Variants in PLPPR5 observed in about 807,000 individuals in gnomAD.
PLPPR5 encodes phospholipid phosphatase related 5.
A neutral mutation model predicts 33.9 loss-of-function variants in PLPPR5; 16 were observed. That is an observed-to-expected ratio of 0.47 (90% CI 0.32 to 0.72). The LOEUF (loss-of-function observed/expected upper bound fraction) is 0.72, where lower values mean the gene tolerates loss of function less well. Ranked by LOEUF, PLPPR5 falls within the 30% of genes least tolerant of loss-of-function variation. PLPPR5 has a pLI of 0.03. For missense variants in PLPPR5, 301 were observed against 406.7 expected (o/e 0.74, Z 2.23); for synonymous variants, 163 against 150.3 (o/e 1.08, Z -0.62).
intron 3 of PLPPR5, among the ~76,000 whole-genome samples, chr1:98,947,498 G>A (rs913515864): frequency 6.6e-6 from 1 of 152,186 alleles, no homozygotes; most frequent in Non-Finnish European, 1.5e-5. Context: ...CTGTATGTGT[G>A]TAACTGCAAA....
intron 3 of PLPPR5, among the ~76,000 whole-genome samples, chr1:98,941,463 A>C (rs1650364943): frequency 6.6e-6 from 1 of 151,606 alleles, no homozygotes; most frequent in Non-Finnish European, 1.5e-5. Context: ...CCGGTTTATA[A>C]GGTGAGAAAG....
At chr1:98,930,228 T>A (rs1649915015) in intron 3 of PLPPR5, among the ~76,000 whole-genome samples, 1 of 152,206 alleles carries the variant, frequency 6.6e-6, no homozygotes, top group African/African-American at 2.4e-5. Context: ...AAGTTTACTG[T>A]CAGGGACAAG....
intron 1 of PLPPR5, among the ~76,000 whole-genome samples, chr1:98,984,109 G>A (rs1385597575): frequency 1.3e-5 from 2 of 151,960 alleles, no homozygotes; most frequent in African/African-American, 2.4e-5. Context: ...GCCACAACTT[G>A]ACTGGTGGGC....
At chr1:98,975,678 T>C (rs912006367) in intron 1 of PLPPR5, among the ~76,000 whole-genome samples, 6 of 151,834 alleles carry the variant, frequency 4.0e-5, no homozygotes, top group African/African-American at 1.5e-4. Flanking sequence ...GGAAAAAGGG[T>C]CGGCTGGGAC....
At chr1:98,912,236 T>A (rs759696163) in intron 5 of PLPPR5, among the ~76,000 whole-genome samples, 1 of 152,232 alleles carries the variant, frequency 6.6e-6, no homozygotes, top group Admixed American at 6.5e-5. Flanking sequence ...TGCAAATTTC[T>A]TAACCATTTG....
intron 1 of PLPPR5, among the ~76,000 whole-genome samples, chr1:98,964,404 A>G (rs965054070): frequency 1.3e-5 from 2 of 152,184 alleles, no homozygotes; most frequent in Non-Finnish European, 2.9e-5. Context: ...GGGAAGGATC[A>G]ACGGGCCTCC....
chr1:98,972,983 G>A (rs1651709547), intron 1 of PLPPR5, among the ~76,000 whole-genome samples: 2 of 152,082 alleles, frequency 1.3e-5, no homozygotes, highest in South Asian at 4.1e-4. Flanking sequence ...CAATCGTTGT[G>A]CAATCACGAG....
At chr1:98,997,664 T>C (rs527348284) in intron 1 of PLPPR5, among the ~76,000 whole-genome samples, 1 of 152,296 alleles carries the variant, frequency 6.6e-6, no homozygotes, top group Non-Finnish European at 1.5e-5. Context: ...GGAAAAAAAG[T>C]ATAAAAATCT....
chr1:98,937,445 C>CTCATAA (rs1003360908), intron 3 of PLPPR5, among the ~76,000 whole-genome samples: 1 of 152,140 alleles, frequency 6.6e-6, no homozygotes, highest in African/African-American at 2.4e-5. Context: ...ACACTATGAG[C>CTCATAA]TCATAAGATT....
chr1:99,001,671 G>GATAGATAGATAT (rs1247519605), intron 1 of PLPPR5, among the ~76,000 whole-genome samples: 2 of 102,192 alleles, frequency 2.0e-5, no homozygotes, highest in East Asian at 3.7e-4. Context: ...GAAAGTTAAA[G>GATAGATAGATAT]ATATATATAT....
At chr1:98,927,256 A>C (rs531755821) in intron 3 of PLPPR5, among the ~76,000 whole-genome samples, 1 of 152,348 alleles carries the variant, frequency 6.6e-6, no homozygotes, top group Admixed American at 6.5e-5. Flanking sequence ...ATAAATGCTT[A>C]GTTGTTCTCA....
chr1:98,923,686 C>T (rs1299461079), intron 3 of PLPPR5, among the ~76,000 whole-genome samples: 1 of 152,172 alleles, frequency 6.6e-6, no homozygotes, highest in East Asian at 1.9e-4. Context: ...TGAACTGTCT[C>T]CATCTTGGCC....
At chr1:98,916,713 A>G (rs1376812508) in intron 4 of PLPPR5, among the ~76,000 whole-genome samples, 1 of 152,230 alleles carries the variant, frequency 6.6e-6, no homozygotes, top group Admixed American at 6.5e-5. Flanking sequence ...GATATAATCA[A>G]GAATTTTGGC....
intron 3 of PLPPR5, among the ~76,000 whole-genome samples, chr1:98,949,268 C>CTT (rs35482227): frequency 1.6e-4 from 23 of 146,872 alleles, no homozygotes; most frequent in African/African-American, 4.0e-4. Flanking sequence ...AGGAATAGAG[C>CTT]TTTTTTTTTT....
intron 3 of PLPPR5, among the ~76,000 whole-genome samples, chr1:98,952,587 C>T (rs2101211562): frequency 6.6e-6 from 1 of 152,240 alleles, no homozygotes; most frequent in South Asian, 2.1e-4. Flanking sequence ...TTGGTTAGTT[C>T]TATGAGAAAA....
intron 1 of PLPPR5, among the ~76,000 whole-genome samples, chr1:98,967,125 T>G (rs1651477635): frequency 6.6e-6 from 1 of 152,176 alleles, no homozygotes; most frequent in Admixed American, 6.6e-5. Context: ...TATGTACTTG[T>G]ACTGTGCAAA....
At chr1:98,911,148 C>T (rs1557665880) in intron 5 of PLPPR5, among the ~76,000 whole-genome samples, 1 of 152,142 alleles carries the variant, frequency 6.6e-6, no homozygotes, top group South Asian at 2.1e-4. Context: ...ATCCCATGCT[C>T]TGTGTGAGTG....
At chr1:98,906,592 C>A (rs72728602) in intron 5 of PLPPR5, among the ~76,000 whole-genome samples, 28,700 of 151,966 alleles carry the variant, frequency 0.19, 2,911 homozygotes, top group Non-Finnish European at 0.21. Flanking sequence ...TTCACATGTT[C>A]TTGACCAAGT....
rs1247519605 is a variant in PLPPR5, at chr1:99,001,671, G to GATAGATATATATAT, written c.237+2763_237+2764insATATATATATCTAT. On this transcript the variant is annotated intron_variant, in intron 1 of 5. Coordinates refer to ENST00000263177, the MANE Select transcript of PLPPR5 (RefSeq NM_001037317.2). ...ACTAGAAATGAGTTTGAAAGTTAAAGATATATATATATATATATATATATA... is the reference window on the plus strand; with the variant it reads ...ACTAGAAATGAGTTTGAAAGTTAAAGATAGATATATATATATATATATATATATATATATATATA... Among the ~76,000 whole-genome samples the GATAGATATATATAT allele has an allele frequency of 5.9e-3, 598 of 102,110 alleles. 6 individuals are homozygous for GATAGATATATATAT. Among genetic ancestry groups the GATAGATATATATAT allele is most frequent in the East Asian group, 0.016 (42 of 2,684 alleles). The allele number at this position is 102,110 out of a possible 152,430, so 67.0% of individuals were successfully genotyped here.
Sources: allele counts gnomAD v4.1 joint callset (sites outside exome capture counted in the v4.1 genomes callset), GRCh38; gene constraint gnomAD v4.1.1; transcripts MANE v1.5; gene names NCBI Gene and HGNC (gene_info 2026-07-23, HGNC 2026-07-21).